TRIM22: variants seen among roughly 807,000 people sequenced by gnomAD.
TRIM22 encodes the protein tripartite motif containing 22, also known as E3 ubiquitin-protein ligase TRIM22.
TRIM22 carries 45 observed loss-of-function variants against 53.6 expected under a neutral mutation model. That is an observed-to-expected ratio of 0.84 (90% CI 0.66 to 1.08). The LOEUF (loss-of-function observed/expected upper bound fraction) is 1.08. Ranked by LOEUF, TRIM22 falls within the 50% of genes least tolerant of loss-of-function variation. The pLI is 0.00. For missense variants in TRIM22, 616 were observed against 590.9 expected (o/e 1.04, Z -0.44); for synonymous variants, 225 against 216.6 (o/e 1.04, Z -0.34).
chr11:5,694,094 C>G (rs1462773072), intron 1 of TRIM22, among the ~76,000 whole-genome samples: 2 of 152,174 alleles, frequency 1.3e-5, no homozygotes, highest in African/African-American at 4.8e-5. Flanking sequence ...AAGGGTCTAC[C>G]CTAATGAGCA....
At chr11:5,704,264 T>C (rs1853423115) in intron 4 of TRIM22, among the ~76,000 whole-genome samples, 1 of 151,546 alleles carries the variant, frequency 6.6e-6, no homozygotes, top group African/African-American at 2.4e-5. Context: ...TTTTTTTTTC[T>C]TTATTGCACT....
rs756826597 is a variant in TRIM22 at position 5,698,316 on chromosome 11, AT to A, written c.523del (p.Tyr175IlefsTer10). ...DIRQERTAWK[N>X]YIQIERQKIL... ...CCTCTTTCTCTTTTCATTCCCAAGA[AT>A]TATATCCAGATCGAGAGACAGAAGA... is the stretch of plus-strand genomic sequence containing the variant. On this transcript the variant is annotated frameshift_variant and splice_region_variant, in exon 4 of 8. Transcript: ENST00000379965. LOFTEE classifies it high-confidence loss of function. 1.2e-6 allele frequency: 2 copies of A among 1,613,882 alleles called. No homozygotes were observed. The highest frequency in any genetic ancestry group is 1.7e-6 in the Non-Finnish European group (2 of 1,179,726).
At chr11:5,691,010 G>C (rs73402272) in intron 1 of TRIM22, 2 of 152,238 alleles carry the variant, frequency 1.3e-5, no homozygotes, top group Non-Finnish European at 2.9e-5. Context: ...TGGTTAGTCC[G>C]AGGAGAGAGG....
chr11:5,701,115 T>C (rs540673340), intron 4 of TRIM22, among the ~76,000 whole-genome samples: 25 of 152,332 alleles, frequency 1.6e-4, no homozygotes, highest in Admixed American at 5.2e-4. Context: ...AACGTACTGT[T>C]GAGAATTTTT....
intron 4 of TRIM22, among the ~76,000 whole-genome samples, chr11:5,705,285 A>C (rs1853442093): frequency 6.6e-6 from 1 of 152,224 alleles, no homozygotes; most frequent in Non-Finnish European, 1.5e-5. Flanking sequence ...GATGGGTATC[A>C]TATCAGGGAT....
At chr11:5,701,118 G>T (rs1182966094) in intron 4 of TRIM22, among the ~76,000 whole-genome samples, 2 of 152,122 alleles carry the variant, frequency 1.3e-5, no homozygotes, top group East Asian at 3.9e-4. Flanking sequence ...GTACTGTTGA[G>T]AATTTTTGCA....
rs1362384778 is a variant in TRIM22, at chr11:5,690,205, A to G, written c.-67+306A>G. Among the ~76,000 whole-genome samples the G allele has an allele frequency of 2.0e-5, 3 of 152,330 alleles. No individual in the cohort carries two copies. In the East Asian group the frequency reaches 5.8e-4, roughly 29 times the overall value. On this transcript the variant is annotated intron_variant, in intron 1 of 7. Coordinates refer to ENST00000379965, the MANE Select transcript of TRIM22 (RefSeq NM_006074.5). ...GAAATAAAGCTCAGAATCTTAAGGG[A>G]GACGAGCACTCAAACAAAGGATTTC...
At chr11:5,695,566 G>A (rs1026232118) in intron 1 of TRIM22, among the ~76,000 whole-genome samples, 1 of 145,752 alleles carries the variant, frequency 6.9e-6, no homozygotes. Flanking sequence ...TGGCATTAGG[G>A]TTTTTTTTTT....
In TRIM22 at chr11:5,700,703, C is replaced by T. The variant is rs192863047; in HGVS notation, c.750+2158C>T. Among the ~76,000 whole-genome samples, 354 of 146,648 alleles carry T rather than the reference C, an allele frequency of 2.4e-3. 1 individual carries two copies. The highest frequency in any genetic ancestry group is 7.7e-3 in the African/African-American group (307 of 39,786). Reference sequence around the variant, plus strand: ...AGACTGGAGTGCAGTGGCACGATTTCGGCTCACTGCAAACTCTGCCTCCCG... The same window carrying T: ...AGACTGGAGTGCAGTGGCACGATTTTGGCTCACTGCAAACTCTGCCTCCCG... On this transcript the variant is annotated intron_variant, in intron 4 of 7. Transcript: ENST00000379965.
chr11:5,700,394 C>T (rs1434552404), intron 4 of TRIM22, among the ~76,000 whole-genome samples: 5 of 151,966 alleles, frequency 3.3e-5, no homozygotes, highest in South Asian at 4.2e-4. Context: ...GGATTAAAGG[C>T]GTGAGCCACC....
At chr11:5,690,191 C>T (rs569367928) in intron 1 of TRIM22, among the ~76,000 whole-genome samples, 13 of 152,236 alleles carry the variant, frequency 8.5e-5, no homozygotes, top group African/African-American at 3.1e-4. Context: ...AAATAAAGCT[C>T]AGAATCTTAA....
At position 5,696,465 on chromosome 11, in the gene TRIM22, T is replaced by C. The variant is rs1853262324; in HGVS notation, c.233T>C (p.Val78Ala). Residue 78 changes from valine to alanine, a missense_variant, in exon 2 of 8, where the codon GTT (valine) becomes GCT (alanine). Val to Ala is a moderately conservative substitution (Grantham distance 64). Transcript: ENST00000379965. ...CCTAATCGGCATCTGGCCAACATAGTTGAGAGAGTCAAAGAGGTCAAGATG... is the reference window on the plus strand; with the variant it reads ...CCTAATCGGCATCTGGCCAACATAGCTGAGAGAGTCAAAGAGGTCAAGATG... The part of the protein sequence containing the change: ...LRPNRHLANI[V>A]ERVKEVKMSP... The C allele has an allele frequency of 6.2e-7, 1 of 1,614,066 alleles. No homozygotes were observed. The highest frequency in any genetic ancestry group is 8.5e-7 in the Non-Finnish European group (1 of 1,180,046).
In TRIM22 at chr11:5,709,705, T is replaced by G. The variant is rs1430351795; in HGVS notation, c.*57T>G. ...GTAGCCCTTGTGCTGAGACTCAGAT[T>G]CTGCACCTGAGTTCATCTCTACTGA... On this transcript the variant is annotated 3_prime_UTR_variant, in exon 8 of 8. Coordinates refer to ENST00000379965, the MANE Select transcript of TRIM22 (RefSeq NM_006074.5). 1.4e-6 allele frequency: 2 copies of G among 1,433,420 alleles called. No individual in the cohort carries two copies. Among genetic ancestry groups the G allele is most frequent in the East Asian group, 2.3e-5 (1 of 43,752 alleles). The allele number at this position is 1,433,420 out of a possible 1,614,324, so 88.8% of individuals were successfully genotyped here.
intron 5 of TRIM22, 114 bp from the exon 6 acceptor site, chr11:5,708,059 G>A: frequency 1.3e-6 from 1 of 794,072 alleles, no homozygotes; most frequent in Non-Finnish European, 2.1e-6. Context: ...ACTGTCCTCA[G>A]GGAAGAGGGT....
chr11:5,697,477 T>C (rs1045252519), intron 3 of TRIM22, 134 bp downstream of exon 3: 3 of 608,958 alleles, frequency 4.9e-6, no homozygotes. Context: ...TAGGTCTCAA[T>C]TTAACTCCTT....
intron 7 of TRIM22, 139 bp downstream of exon 7, chr11:5,708,742 T>C (rs541861345): frequency 7.4e-6 from 6 of 810,908 alleles, no homozygotes; most frequent in Admixed American, 3.5e-5. Flanking sequence ...TTAAGATAGA[T>C]TTTTGCTATT....
chr11:5,706,539 T>C (rs1853458548), intron 4 of TRIM22, 55 bp from the exon 5 acceptor site: 2 of 1,590,408 alleles, frequency 1.3e-6, no homozygotes, highest in Non-Finnish European at 1.7e-6. Context: ...TAGCCACTTT[T>C]ATGTTCTAAA....
chr11:5,708,108 C>G, intron 5 of TRIM22, 65 bp from the exon 6 acceptor site: 1 of 1,292,366 alleles, frequency 7.7e-7, no homozygotes, highest in Non-Finnish European at 1.1e-6. Context: ...GTGAAAGAGA[C>G]AGTGATCTTG....
intron 5 of TRIM22, among the ~76,000 whole-genome samples, chr11:5,707,224 C>G (rs1321646259): frequency 6.6e-6 from 1 of 152,002 alleles, no homozygotes. Flanking sequence ...AAAATCAGAC[C>G]ACTATTAATT....
Sources: allele counts gnomAD v4.1 joint callset (sites outside exome capture counted in the v4.1 genomes callset), GRCh38; gene constraint gnomAD v4.1.1; transcripts MANE v1.5; gene names NCBI Gene and HGNC (gene_info 2026-07-23, HGNC 2026-07-21).